The following RAPH1 variants were observed in gnomAD, a reference collection of about 807,000 sequenced individuals.
The protein encoded by RAPH1 is ras-associated and pleckstrin homology domains-containing protein 1.
In RAPH1, 18 loss-of-function variants were observed where a neutral mutation model predicts 88.1. The ratio of observed to expected loss-of-function variants is 0.20; its 90% CI spans 0.14 to 0.30. The LOEUF (loss-of-function observed/expected upper bound fraction) is 0.30. Ranked by LOEUF, RAPH1 falls within the 10% of genes least tolerant of loss-of-function variation. RAPH1 has a pLI of 1.00. For missense variants in RAPH1, 1,448 were observed against 1,543.2 expected (o/e 0.94, Z 1.03); for synonymous variants, 587 against 559.0 (o/e 1.05, Z -0.71).
intron 10 of RAPH1, among the ~76,000 whole-genome samples, chr2:203,453,801 A>G (rs2098516832): frequency 6.6e-6 from 1 of 152,046 alleles, no homozygotes; most frequent in African/African-American, 2.4e-5. Context: ...GAATTTTTGT[A>G]TGTCGTTTTT....
intron 3 of RAPH1, 95 bp downstream of exon 3, chr2:203,491,117 TTA>T: frequency 1.5e-6 from 1 of 664,034 alleles, no homozygotes; most frequent in South Asian, 2.4e-5. Context: ...CATGTAGCTT[TTA>T]TATCGAGTTT....
intron 10 of RAPH1, among the ~76,000 whole-genome samples, chr2:203,452,892 G>A (rs141399687): frequency 6.6e-6 from 1 of 152,146 alleles, no homozygotes; most frequent in African/African-American, 2.4e-5. Context: ...AGGTTGCAGT[G>A]AGCCGAGATC....
intron 10 of RAPH1, 28 bp downstream of exon 10, chr2:203,454,402 A>C (rs1424816068): frequency 6.8e-7 from 1 of 1,474,952 alleles, no homozygotes; most frequent in African/African-American, 1.4e-5. Context: ...ACATCAATTA[A>C]AATTCCTAAA....
At chr2:203,522,310 A>G (rs544202304) in intron 1 of RAPH1, among the ~76,000 whole-genome samples, 49 of 152,360 alleles carry the variant, frequency 3.2e-4, no homozygotes, top group Middle Eastern at 3.4e-3. Context: ...AAATAAAGCT[A>G]TGTGTAAATA....
chr2:203,506,883 T>TATAG (rs1559495066), intron 1 of RAPH1, among the ~76,000 whole-genome samples: 2 of 104,860 alleles, frequency 1.9e-5, no homozygotes, highest in Non-Finnish European at 3.5e-5. Context: ...TATATATAGA[T>TATAG]ATATATATAT....
At chr2:203,494,592 A>T (rs1310260551) in intron 2 of RAPH1, among the ~76,000 whole-genome samples, 2 of 152,038 alleles carry the variant, frequency 1.3e-5, no homozygotes, top group Non-Finnish European at 2.9e-5. Flanking sequence ...GCAGATCACG[A>T]GGTCAGGAGA....
Position 203,437,953 on chromosome 2 carries a change from G to A in RAPH1, c.*1484C>T. On this transcript the variant is annotated 3_prime_UTR_variant, in exon 14 of 14. Transcript: ENST00000319170. The stretch of plus-strand genomic sequence containing the variant: ...CTCTGAGATTGTTTTATTCCTAATA[G>A]TCCAATTTATCATAAGTTGATGAGA... The A allele has an allele frequency of 3.1e-6, 1 of 327,658 alleles. No individual in the cohort carries two copies. Among genetic ancestry groups the A allele is most frequent in the Non-Finnish European group, 6.0e-6 (1 of 166,724 alleles). 20.3% of individuals were successfully genotyped at this position (327,658 alleles called of 1,614,324 possible). A position where few individuals can be genotyped will look rare whatever the true frequency, so the allele number is the denominator to read the frequency against.
intron 1 of RAPH1, among the ~76,000 whole-genome samples, chr2:203,525,288 C>T (rs1690062918): frequency 1.3e-5 from 2 of 152,096 alleles, no homozygotes; most frequent in African/African-American, 2.4e-5. Flanking sequence ...TGGGTTCAAG[C>T]GATTCTCCTG....
At chr2:203,492,255 C>T (rs943847284) in intron 2 of RAPH1, among the ~76,000 whole-genome samples, 2 of 150,640 alleles carry the variant, frequency 1.3e-5, no homozygotes, top group South Asian at 2.1e-4. Flanking sequence ...AAAAAGAAAC[C>T]GCACAGAGAG....
chr2:203,492,774 CTTTTT>C (rs34762923), intron 2 of RAPH1, among the ~76,000 whole-genome samples: 1 of 144,894 alleles, frequency 6.9e-6, no homozygotes, highest in Non-Finnish European at 1.5e-5. Flanking sequence ...ATAATGCTAT[CTTTTT>C]TTTTTTTTTT....
intron 7 of RAPH1, 68 bp downstream of exon 7, chr2:203,459,835 AACTT>A: frequency 6.7e-7 from 1 of 1,483,962 alleles, no homozygotes; most frequent in Non-Finnish European, 9.3e-7. Flanking sequence ...TTTTAACTCT[AACTT>A]AGCAGTAATC....
intron 6 of RAPH1, among the ~76,000 whole-genome samples, chr2:203,460,494 G>A (rs2098523417): frequency 6.6e-6 from 1 of 152,008 alleles, no homozygotes; most frequent in Non-Finnish European, 1.5e-5. Context: ...AACATGTCCT[G>A]TATACTGAAC....
intron 3 of RAPH1, 53 bp from the exon 4 acceptor site, chr2:203,490,142 C>A: frequency 1.4e-6 from 2 of 1,467,842 alleles, no homozygotes; most frequent in South Asian, 1.4e-5. Flanking sequence ...TATTATAAAT[C>A]AGTTAATAAA....
intron 4 of RAPH1, among the ~76,000 whole-genome samples, chr2:203,484,656 A>C (rs749203564): frequency 6.6e-6 from 1 of 152,252 alleles, no homozygotes; most frequent in African/African-American, 2.4e-5. Flanking sequence ...AGGAGCACTC[A>C]ATTTATATCG....
At chr2:203,512,061 C>T (rs1196174896) in intron 1 of RAPH1, among the ~76,000 whole-genome samples, 2 of 151,710 alleles carry the variant, frequency 1.3e-5, no homozygotes, top group Admixed American at 6.6e-5. Flanking sequence ...TGCAGAGAGC[C>T]GAGATCGCAC....
intron 4 of RAPH1, among the ~76,000 whole-genome samples, chr2:203,463,675 A>C (rs145338003): frequency 6.6e-6 from 1 of 152,234 alleles, no homozygotes; most frequent in African/African-American, 2.4e-5. Flanking sequence ...TTTAAAATGG[A>C]GAGGGCTAAG....
intron 1 of RAPH1, among the ~76,000 whole-genome samples, chr2:203,503,093 A>G (rs527719078): frequency 3.6e-4 from 55 of 152,256 alleles, no homozygotes; most frequent in African/African-American, 1.3e-3. Flanking sequence ...GCAGTGAGCC[A>G]AGATCCCGCC....
chr2:203,473,030 ATAGT>A (rs1559470197), intron 4 of RAPH1, among the ~76,000 whole-genome samples: 1 of 152,228 alleles, frequency 6.6e-6, no homozygotes, highest in Non-Finnish European at 1.5e-5. Flanking sequence ...ACCACAAACA[ATAGT>A]TAAACATGAT....
At chr2:203,461,812 A>G (rs2098524430) in intron 5 of RAPH1, 36 bp downstream of exon 5, 1 of 1,528,978 alleles carries the variant, frequency 6.5e-7, no homozygotes, top group Non-Finnish European at 8.9e-7. Context: ...AAAACTGATA[A>G]AAAAATCCCA....
Sources: allele counts gnomAD v4.1 joint callset (sites outside exome capture counted in the v4.1 genomes callset), GRCh38; gene constraint gnomAD v4.1.1; transcripts MANE v1.5; gene names NCBI Gene and HGNC (gene_info 2026-07-23, HGNC 2026-07-21).